Variants in TBC1D22A observed in about 807,000 individuals in gnomAD.
TBC1D22A encodes the protein putative GTPase activator.
TBC1D22A carries 38 observed loss-of-function variants against 60.2 expected under a neutral mutation model. The observed-to-expected ratio is 0.63, with a 90% confidence interval of 0.49 to 0.83. The LOEUF (loss-of-function observed/expected upper bound fraction) is 0.83, where lower values mean the gene tolerates loss of function less well. TBC1D22A is among the 40% of genes least tolerant of loss of function. The pLI is 0.00. For synonymous variants in TBC1D22A, 302 were observed against 281.7 expected (o/e 1.07, Z -0.72); for missense variants, 628 against 701.0 (o/e 0.90, Z 1.18).
At chr22:47,100,194 G>T (rs982667131) in intron 11 of TBC1D22A, among the ~76,000 whole-genome samples, 6 of 152,194 alleles carry the variant, frequency 3.9e-5, no homozygotes, top group Non-Finnish European at 8.8e-5. Context: ...CCATGCAGGG[G>T]TGAGGCGTCA....
chr22:46,808,085 C>T (rs1414532013), intron 4 of TBC1D22A, among the ~76,000 whole-genome samples: 5 of 152,218 alleles, frequency 3.3e-5, no homozygotes, highest in Non-Finnish European at 7.3e-5. Flanking sequence ...GGGCTGGGCA[C>T]GGTGGCTTAT....
chr22:46,817,123 A>T (rs139582), intron 4 of TBC1D22A, among the ~76,000 whole-genome samples: 41,345 of 151,564 alleles, frequency 0.27, 5,723 homozygotes, highest in South Asian at 0.42. Flanking sequence ...GTGGCTTAAA[A>T]TTTTTTTTTC....
intron 10 of TBC1D22A, among the ~76,000 whole-genome samples, chr22:47,005,665 C>A (rs1457151456): frequency 6.6e-6 from 1 of 151,244 alleles, no homozygotes; most frequent in Admixed American, 6.6e-5. Context: ...CACACACACA[C>A]CCATATACAT....
chr22:46,839,400 A>G (rs1488149924), intron 4 of TBC1D22A, among the ~76,000 whole-genome samples: 2 of 152,024 alleles, frequency 1.3e-5, no homozygotes, highest in Non-Finnish European at 2.9e-5. Context: ...CTGGAGGTGA[A>G]GGATTCTTAC....
chr22:46,795,686 G>A (rs1354183278), intron 3 of TBC1D22A, among the ~76,000 whole-genome samples: 1 of 152,184 alleles, frequency 6.6e-6, no homozygotes, highest in African/African-American at 2.4e-5. Flanking sequence ...TTACTGTGTG[G>A]CAGGTACAGT....
chr22:46,865,644 G>A lies in TBC1D22A; in HGVS notation c.638-13009G>A, dbSNP rs146946390. On this transcript the variant is annotated intron_variant, in intron 4 of 12. Transcript: ENST00000337137. ...TTCAGCTGTGATTTGTCTTGTCTGC[G>A]CACATCCAGATTCCCCTGCACAGGC... is the stretch of plus-strand genomic sequence containing the variant. Among the ~76,000 whole-genome samples the A allele has an allele frequency of 4.1e-3, 625 of 152,280 alleles. 2 individuals are homozygous for A. The highest frequency in any genetic ancestry group is 0.014 in the African/African-American group (599 of 41,550).
intron 9 of TBC1D22A, among the ~76,000 whole-genome samples, chr22:46,986,349 A>G (rs2074722103): frequency 6.7e-6 from 1 of 150,162 alleles, no homozygotes; most frequent in South Asian, 2.1e-4. Flanking sequence ...AAAATTAAGT[A>G]TTTTTGGTCC....
At chr22:46,947,560 G>A (rs537361191) in intron 8 of TBC1D22A, among the ~76,000 whole-genome samples, 7 of 152,332 alleles carry the variant, frequency 4.6e-5, no homozygotes, top group South Asian at 4.1e-4. Context: ...TCTTCGTTGC[G>A]CTATTTCAAG....
At chr22:46,822,559 T>A (rs1029944002) in intron 4 of TBC1D22A, among the ~76,000 whole-genome samples, 1 of 152,096 alleles carries the variant, frequency 6.6e-6, no homozygotes, top group Non-Finnish European at 1.5e-5. Context: ...ACTGATTCAC[T>A]CCCATGCCTA....
chr22:46,778,313 A>G (rs180700686), intron 1 of TBC1D22A, among the ~76,000 whole-genome samples: 1 of 152,224 alleles, frequency 6.6e-6, no homozygotes, highest in East Asian at 1.9e-4. Flanking sequence ...TTTAAACTTC[A>G]TAAACGTTTT....
intron 12 of TBC1D22A, among the ~76,000 whole-genome samples, chr22:47,137,825 G>T (rs1261211724): frequency 6.6e-6 from 1 of 152,146 alleles, no homozygotes; most frequent in Non-Finnish European, 1.5e-5. Flanking sequence ...CGGGAGTGGA[G>T]AGTAGGGAGT....
At chr22:47,145,503 A>G (rs1165108182) in intron 12 of TBC1D22A, among the ~76,000 whole-genome samples, 1 of 152,220 alleles carries the variant, frequency 6.6e-6, no homozygotes, top group Non-Finnish European at 1.5e-5. Context: ...CACTAGCCTG[A>G]AAGATTGAAT....
chr22:47,119,750 C>T (rs1314363260), intron 12 of TBC1D22A, among the ~76,000 whole-genome samples: 1 of 152,198 alleles, frequency 6.6e-6, no homozygotes. Flanking sequence ...CCGCCTCAGC[C>T]TCCCAAAATG....
chr22:47,042,327 C>G (rs1026695260), intron 11 of TBC1D22A, among the ~76,000 whole-genome samples: 1 of 152,204 alleles, frequency 6.6e-6, no homozygotes, highest in African/African-American at 2.4e-5. Flanking sequence ...CTGGCCAGAG[C>G]CCCCATCAGT....
At chr22:47,051,511 C>T (rs1013191685) in intron 11 of TBC1D22A, among the ~76,000 whole-genome samples, 2 of 152,132 alleles carry the variant, frequency 1.3e-5, no homozygotes, top group African/African-American at 2.4e-5. Context: ...CTTCGGGAGC[C>T]GGGAGCTAGA....
chr22:47,012,110 G>C (rs1014658764), intron 10 of TBC1D22A, among the ~76,000 whole-genome samples: 5 of 152,038 alleles, frequency 3.3e-5, no homozygotes, highest in Non-Finnish European at 7.4e-5. Context: ...CGACCATCGT[G>C]CTGGGAGGAG....
intron 10 of TBC1D22A, among the ~76,000 whole-genome samples, chr22:47,007,418 T>G (rs1487098773): frequency 1.3e-5 from 2 of 152,200 alleles, no homozygotes; most frequent in South Asian, 2.1e-4. Context: ...AGGTGCATTG[T>G]AAGAGCACAT....
At chr22:46,938,265 G>A (rs974614050) in intron 8 of TBC1D22A, among the ~76,000 whole-genome samples, 1 of 152,194 alleles carries the variant, frequency 6.6e-6, no homozygotes. Context: ...GATATGTTTC[G>A]ATACACAAAA....
intron 11 of TBC1D22A, among the ~76,000 whole-genome samples, chr22:47,102,333 C>G (rs1218856382): frequency 6.6e-6 from 1 of 152,156 alleles, no homozygotes; most frequent in Non-Finnish European, 1.5e-5. Context: ...GGGGGCTTCT[C>G]CACGCCACAG....
Sources: gnomAD v4.1 joint callset for allele counts (sites outside exome capture counted in the v4.1 genomes callset) on GRCh38, gnomAD v4.1.1 for gene constraint, MANE v1.5 for transcripts, NCBI Gene and HGNC (gene_info 2026-07-23, HGNC 2026-07-21) for gene names.